Variants in EXOC4 observed in about 807,000 individuals in gnomAD.
The protein encoded by EXOC4 is exocyst complex component 4, also known as SEC8-like 1.
Under a neutral mutation model 107.2 loss-of-function variants are expected in EXOC4, and 71 were observed. The observed-to-expected ratio is 0.66, with a 90% confidence interval of 0.55 to 0.81. The LOEUF (loss-of-function observed/expected upper bound fraction) is 0.81. EXOC4 is among the 30% of genes least tolerant of loss of function. The probability of loss-of-function intolerance (pLI) is 0.00; values close to 1 mark genes in which losing one functional copy is unlikely to be tolerated. For missense variants in EXOC4, 1,108 were observed against 1,189.6 expected (o/e 0.93, Z 1.01); for synonymous variants, 456 against 441.2 (o/e 1.03, Z -0.42).
At chr7:133,561,859 C>A in intron 9 of EXOC4, among the ~76,000 whole-genome samples, 1 of 152,364 alleles carries the variant, frequency 6.6e-6, no homozygotes, top group East Asian at 1.9e-4. Flanking sequence ...GCCCGCTTTG[C>A]GCCCTGAACT....
chr7:133,686,305 T>C (rs1362062968), intron 10 of EXOC4, among the ~76,000 whole-genome samples: 1 of 152,202 alleles, frequency 6.6e-6, no homozygotes, highest in Non-Finnish European at 1.5e-5. Context: ...GATCGAAACA[T>C]ATTTTGAGTT....
At chr7:133,597,179 C>T (rs888422873) in intron 9 of EXOC4, among the ~76,000 whole-genome samples, 4 of 152,186 alleles carry the variant, frequency 2.6e-5, no homozygotes, top group Admixed American at 6.5e-5. Flanking sequence ...ACCTAAACAA[C>T]GGCCTCTACA....
intron 17 of EXOC4, among the ~76,000 whole-genome samples, chr7:134,014,297 G>A (rs1369315410): frequency 6.6e-6 from 1 of 152,212 alleles, no homozygotes; most frequent in African/African-American, 2.4e-5. Flanking sequence ...CCAACTACTC[G>A]GGAGGGTGAG....
At chr7:133,497,742 T>G (rs1056176512) in intron 9 of EXOC4, among the ~76,000 whole-genome samples, 3 of 152,160 alleles carry the variant, frequency 2.0e-5, no homozygotes, top group African/African-American at 7.2e-5. Context: ...AGTAACACTT[T>G]GCCTCCTTGT....
At chr7:133,937,817 G>A in intron 13 of EXOC4, 74 bp from the exon 14 acceptor site, 1 of 1,434,950 alleles carries the variant, frequency 7.0e-7, no homozygotes, top group South Asian at 1.2e-5. Flanking sequence ...TGCTAGGTGT[G>A]CCTAAAACAG....
intron 10 of EXOC4, among the ~76,000 whole-genome samples, chr7:133,757,306 A>G (rs565826880): frequency 2.6e-5 from 4 of 152,340 alleles, no homozygotes; most frequent in Admixed American, 6.5e-5. Flanking sequence ...CTGCTGAGTT[A>G]AGGGAGGTGG....
intron 17 of EXOC4, among the ~76,000 whole-genome samples, chr7:134,021,006 G>T (rs1166823068): frequency 6.6e-6 from 1 of 151,824 alleles, no homozygotes; most frequent in East Asian, 1.9e-4. Context: ...AATATGAAGG[G>T]TTTGATTAGA....
chr7:133,572,611 A>T (rs1801047150), intron 9 of EXOC4, among the ~76,000 whole-genome samples: 1 of 152,316 alleles, frequency 6.6e-6, no homozygotes, highest in East Asian at 1.9e-4. Flanking sequence ...AAGGAAGTAC[A>T]AGCAAAAAAA....
At chr7:133,775,899 A>T (rs1347629145) in intron 10 of EXOC4, among the ~76,000 whole-genome samples, 5 of 152,184 alleles carry the variant, frequency 3.3e-5, no homozygotes, top group Non-Finnish European at 7.3e-5. Flanking sequence ...TTTCTAGGAG[A>T]TATAAGATTA....
At chr7:133,862,610 A>T (rs1585207062) in intron 11 of EXOC4, among the ~76,000 whole-genome samples, 1 of 152,342 alleles carries the variant, frequency 6.6e-6, no homozygotes, top group East Asian at 1.9e-4. Context: ...GCCTTTAGTT[A>T]AACAAAATCA....
chr7:133,544,278 G>T (rs1032414378), intron 9 of EXOC4, among the ~76,000 whole-genome samples: 1 of 151,868 alleles, frequency 6.6e-6, no homozygotes, highest in Non-Finnish European at 1.5e-5. Context: ...ATCACAGCAC[G>T]TTTAGGACTA....
At chr7:133,980,723 C>T (rs1005052532) in intron 14 of EXOC4, among the ~76,000 whole-genome samples, 2 of 152,162 alleles carry the variant, frequency 1.3e-5, no homozygotes, top group Non-Finnish European at 2.9e-5. Context: ...GTAGCTTACT[C>T]TCAACTGGCA....
chr7:133,407,223 C>T (rs1797241857), intron 7 of EXOC4, among the ~76,000 whole-genome samples: 1 of 152,114 alleles, frequency 6.6e-6, no homozygotes, highest in Non-Finnish European at 1.5e-5. Flanking sequence ...TAGAAACAAT[C>T]CTGTTAGGTT....
At chr7:134,001,782 T>C (rs1400759857) in intron 15 of EXOC4, among the ~76,000 whole-genome samples, 2 of 152,242 alleles carry the variant, frequency 1.3e-5, no homozygotes, top group East Asian at 3.9e-4. Flanking sequence ...TGTGCTGACC[T>C]GGCCTGTGCC....
intron 17 of EXOC4, among the ~76,000 whole-genome samples, chr7:134,050,524 A>G (rs1255362636): frequency 2.6e-5 from 4 of 152,298 alleles, no homozygotes; most frequent in East Asian, 3.9e-4. Flanking sequence ...TACAGGATAA[A>G]TGTTAAGTGG....
At chr7:133,777,348 G>A (rs951740989) in intron 10 of EXOC4, among the ~76,000 whole-genome samples, 5 of 151,954 alleles carry the variant, frequency 3.3e-5, no homozygotes, top group Non-Finnish European at 5.9e-5. Flanking sequence ...AATTAAATGT[G>A]ATTGTACTAG....
At chr7:133,537,696 C>T (rs1800300483) in intron 9 of EXOC4, among the ~76,000 whole-genome samples, 1 of 152,188 alleles carries the variant, frequency 6.6e-6, no homozygotes, top group Admixed American at 6.5e-5. Context: ...TTTTCCCCCA[C>T]ATTCCTCTGA....
intron 11 of EXOC4, among the ~76,000 whole-genome samples, chr7:133,876,580 T>C (rs1453461579): frequency 1.3e-5 from 2 of 152,096 alleles, no homozygotes; most frequent in Non-Finnish European, 2.9e-5. Context: ...ATCTTCTTTT[T>C]TCTCATGGTA....
intron 10 of EXOC4, among the ~76,000 whole-genome samples, chr7:133,777,495 C>T (rs1359512390): frequency 6.6e-6 from 1 of 152,132 alleles, no homozygotes; most frequent in Admixed American, 6.5e-5. Context: ...TGAGAAGTTG[C>T]TACTCTAGAG....
Sources: allele counts gnomAD v4.1 joint callset (sites outside exome capture counted in the v4.1 genomes callset), GRCh38; gene constraint gnomAD v4.1.1; transcripts MANE v1.5; gene names NCBI Gene and HGNC (gene_info 2026-07-23, HGNC 2026-07-21).